The following SLC24A4 variants were observed in gnomAD, a reference collection of about 807,000 sequenced individuals.
SLC24A4 encodes sodium/potassium/calcium exchanger 4.
SLC24A4 carries 53 observed loss-of-function variants against 79.0 expected under a neutral mutation model. The observed-to-expected ratio is 0.67, with a 90% CI of 0.54 to 0.84. The LOEUF is 0.84. SLC24A4 is among the 40% of genes least tolerant of loss of function. The pLI is 0.00. For missense variants in SLC24A4, 731 were observed against 822.0 expected (o/e 0.89, Z 1.35); for synonymous variants, 323 against 323.8 (o/e 1.00, Z 0.03).
At chr14:92,444,231 A>C (rs1892662931) in intron 7 of SLC24A4, among the ~76,000 whole-genome samples, 2 of 152,202 alleles carry the variant, frequency 1.3e-5, no homozygotes, top group African/African-American at 2.4e-5. Flanking sequence ...AAGGAGAAAT[A>C]TAATCTATAA....
At chr14:92,472,470 G>C (rs1894491990) in intron 12 of SLC24A4, among the ~76,000 whole-genome samples, 1 of 152,086 alleles carries the variant, frequency 6.6e-6, no homozygotes, top group African/African-American at 2.4e-5. Context: ...TCATAGCTTA[G>C]CTCCCACTTA....
At chr14:92,476,925 T>G (rs2139908220) in intron 12 of SLC24A4, among the ~76,000 whole-genome samples, 1 of 152,386 alleles carries the variant, frequency 6.6e-6, no homozygotes, top group Admixed American at 6.5e-5. Context: ...TGTATTTATA[T>G]GCCACATTTT....
At chr14:92,344,138 C>T (rs894771847) in intron 2 of SLC24A4, among the ~76,000 whole-genome samples, 2 of 152,214 alleles carry the variant, frequency 1.3e-5, no homozygotes, top group Non-Finnish European at 1.5e-5. Flanking sequence ...ATGTGACTTG[C>T]TTTGGCCAAT....
chr14:92,478,938 G>A (rs1003481763), intron 12 of SLC24A4, among the ~76,000 whole-genome samples: 2 of 151,930 alleles, frequency 1.3e-5, no homozygotes, highest in Non-Finnish European at 2.9e-5. Flanking sequence ...TAAATGTTAG[G>A]TTTTTAAATT....
At chr14:92,428,817 G>C (rs1488008873) in intron 2 of SLC24A4, among the ~76,000 whole-genome samples, 1 of 152,214 alleles carries the variant, frequency 6.6e-6, no homozygotes, top group Non-Finnish European at 1.5e-5. Flanking sequence ...AGTTGAGTAA[G>C]GAGATGGGAG....
At chr14:92,432,241 C>T (rs1044333879) in intron 2 of SLC24A4, among the ~76,000 whole-genome samples, 5 of 152,186 alleles carry the variant, frequency 3.3e-5, no homozygotes, top group Admixed American at 2.6e-4. Flanking sequence ...CTGTTCCTAC[C>T]AAGGGCAAAG....
At chr14:92,395,106 G>T (rs1889691330) in intron 2 of SLC24A4, among the ~76,000 whole-genome samples, 1 of 152,222 alleles carries the variant, frequency 6.6e-6, no homozygotes, top group Non-Finnish European at 1.5e-5. Flanking sequence ...GGCTCGGAAT[G>T]TGACCCCAGA....
intron 12 of SLC24A4, among the ~76,000 whole-genome samples, chr14:92,478,943 TA>T (rs1446840146): frequency 6.6e-6 from 1 of 152,206 alleles, no homozygotes; most frequent in Non-Finnish European, 1.5e-5. Context: ...GTTAGGTTTT[TA>T]AATTTTTTGA....
At chr14:92,387,186 T>A (rs1249198910) in intron 2 of SLC24A4, among the ~76,000 whole-genome samples, 1 of 151,338 alleles carries the variant, frequency 6.6e-6, no homozygotes, top group Admixed American at 6.6e-5. Flanking sequence ...GAAGTATTTT[T>A]TTTTTTTTGA....
rs1221117626 is a variant in SLC24A4, at chr14:92,398,332, G to A, written c.242-35580G>A. Among the ~76,000 whole-genome samples the A allele has an allele frequency of 6.6e-6, 1 of 152,174 alleles. No individual in the cohort carries two copies. The highest frequency in any genetic ancestry group is 1.5e-5 in the Non-Finnish European group (1 of 68,014). On this transcript the variant is annotated intron_variant, in intron 2 of 16. Coordinates refer to ENST00000532405, the MANE Select transcript of SLC24A4 (RefSeq NM_153646.4). This position sits in a 1 kb window ranked among gnomAD's most constrained non-coding sequence, Gnocchi z 4.1. ...TGAGGGATGGCCTGGCAGAACTGCA[G>A]CAGGGTTAGAAAGGGAGGAGGCTGG...
intron 2 of SLC24A4, among the ~76,000 whole-genome samples, chr14:92,412,629 C>T (rs758538933): frequency 1.3e-5 from 2 of 152,126 alleles, no homozygotes; most frequent in Non-Finnish European, 2.9e-5. Flanking sequence ...TCGCTGGAGA[C>T]CACAGGTTTC....
chr14:92,371,484 G>C (rs552036922), intron 2 of SLC24A4, among the ~76,000 whole-genome samples: 4 of 152,278 alleles, frequency 2.6e-5, no homozygotes, highest in African/African-American at 7.2e-5. Flanking sequence ...AAAAAGTGGA[G>C]TATAGATGGC....
At chr14:92,394,123 G>A (rs569176303) in intron 2 of SLC24A4, among the ~76,000 whole-genome samples, 2 of 152,150 alleles carry the variant, frequency 1.3e-5, no homozygotes, top group East Asian at 2.0e-4. Context: ...GGGATTACAG[G>A]TGTGACCCAC....
In SLC24A4 at chr14:92,403,039, C is replaced by T. The variant is rs376530393; in HGVS notation, c.242-30873C>T. On this transcript the variant is annotated intron_variant, in intron 2 of 16. Transcript: ENST00000532405. ...AGGGACCCAAGGACCCATGCTTCTT[C>T]TGTCTTGGGGCTCTGCCATCTTCAA... Among the ~76,000 whole-genome samples the T allele has an allele frequency of 3.3e-4, 50 of 152,264 alleles. 1 individual carries two copies. The highest frequency in any genetic ancestry group is 2.5e-3 in the East Asian group (13 of 5,160).
chr14:92,451,317 G>A (rs1893123859), intron 10 of SLC24A4: 1 of 152,306 alleles, frequency 6.6e-6, no homozygotes, highest in African/African-American at 2.4e-5. Context: ...CCATGTGTGA[G>A]TCACTGTTCT....
rs17128308 is a variant in SLC24A4 at position 92,445,007 on chromosome 14, G to A, written c.658-310G>A. ...TTTCAGTCTTTGAGATTTCTTGATT[G>A]TAGCAACTCTACTCCATGAATAAGG... On this transcript the variant is annotated intron_variant, in intron 7 of 16. Transcript: ENST00000532405. Among the ~76,000 whole-genome samples, 33,851 of 150,910 alleles carry A rather than the reference G, an allele frequency of 0.22. 4,012 individuals are homozygous for A. The highest frequency in any genetic ancestry group is 0.24 in the Non-Finnish European group (16,540 of 67,826).
At chr14:92,459,370 G>A (rs1893663723) in intron 12 of SLC24A4, among the ~76,000 whole-genome samples, 1 of 152,206 alleles carries the variant, frequency 6.6e-6, no homozygotes, top group South Asian at 2.1e-4. Context: ...TGTCTTGCAA[G>A]GGCTGGAACC....
At chr14:92,410,381 T>C (rs1890642720) in intron 2 of SLC24A4, among the ~76,000 whole-genome samples, 1 of 152,220 alleles carries the variant, frequency 6.6e-6, no homozygotes, top group African/African-American at 2.4e-5. Context: ...AGTCTTCTTA[T>C]GTTGCCCAGG....
intron 2 of SLC24A4, among the ~76,000 whole-genome samples, chr14:92,429,237 A>C (rs1891729857): frequency 6.6e-6 from 1 of 152,194 alleles, no homozygotes; most frequent in Non-Finnish European, 1.5e-5. Context: ...GATTACAAAA[A>C]GGCAGCACAA....
Sources: allele counts gnomAD v4.1 joint callset (sites outside exome capture counted in the v4.1 genomes callset), GRCh38; gene constraint gnomAD v4.1.1; non-coding constraint Gnocchi (gnomAD v3.1); transcripts MANE v1.5; gene names NCBI Gene and HGNC (gene_info 2026-07-23, HGNC 2026-07-21).